Variants in TEX10 observed in about 807,000 individuals in gnomAD.
TEX10 encodes testis-expressed protein 10.
A neutral mutation model predicts 104.4 loss-of-function variants in TEX10; 24 were observed. The observed-to-expected ratio is 0.23, with a 90% CI of 0.17 to 0.32. TEX10 has a LOEUF of 0.32. Among genes scored for constraint, TEX10 ranks in the 10% least tolerant of loss-of-function variants. TEX10 has a pLI of 1.00. For missense variants in TEX10, 921 were observed against 1,083.9 expected, an observed-to-expected ratio of 0.85 and a Z score of 2.11; for synonymous variants, 396 against 393.4, an observed-to-expected ratio of 1.01 and a Z score of -0.08.
Position 100,330,135 on chromosome 9 carries a change from C to A in TEX10, c.1285G>T (p.Asp429Tyr). The change falls in exon 6 of 15, where the codon GAT (aspartate) becomes TAT (tyrosine). Residue 429 changes from aspartate to tyrosine, a missense_variant. Transcript: ENST00000374902. ...AGTGTTAAATTCAGTAAGAGATGATCTATGTTATTGGAGAGAACTGTGCAA... is the reference window on the plus strand; with the variant it reads ...AGTGTTAAATTCAGTAAGAGATGATATATGTTATTGGAGAGAACTGTGCAA... Reference protein sequence around the residue: ...KHCTVLSNNIDHLLLNLTLSD... With the variant: ...KHCTVLSNNIYHLLLNLTLSD... 1 of 1,613,570 alleles carries A rather than the reference C, an allele frequency of 6.2e-7. No homozygotes were observed. The highest frequency in any genetic ancestry group is 8.5e-7 in the Non-Finnish European group (1 of 1,179,774).
intron 11 of TEX10, 138 bp downstream of exon 11, chr9:100,320,127 C>T: frequency 1.3e-6 from 1 of 775,220 alleles, no homozygotes; most frequent in Non-Finnish European, 1.9e-6. Flanking sequence ...AAACGTACTT[C>T]TCCCATCCAA....
At chr9:100,330,887 G>T (rs1282620954) in intron 5 of TEX10, among the ~76,000 whole-genome samples, 3 of 151,280 alleles carry the variant, frequency 2.0e-5, no homozygotes, top group South Asian at 2.1e-4. Context: ...AGGATGAACT[G>T]GGAAGACTGC....
intron 1 of TEX10, among the ~76,000 whole-genome samples, chr9:100,351,026 C>T (rs547034485): frequency 5.1e-4 from 78 of 152,146 alleles, no homozygotes; most frequent in African/African-American, 1.8e-3. Flanking sequence ...ATGCTCAAAG[C>T]ATAAACATGT....
chr9:100,303,262 A>G (rs1834052667), intron 14 of TEX10, among the ~76,000 whole-genome samples: 1 of 152,168 alleles, frequency 6.6e-6, no homozygotes, highest in African/African-American at 2.4e-5. Context: ...TTGGATAGGT[A>G]AGAAAGAAAG....
chr9:100,315,856 A>G (rs917075233), intron 11 of TEX10, among the ~76,000 whole-genome samples: 2 of 152,206 alleles, frequency 1.3e-5, no homozygotes, highest in Non-Finnish European at 2.9e-5. Flanking sequence ...GACTTTAGAC[A>G]GTCTGATTAT....
chr9:100,331,728 C>T (rs1344957851), intron 5 of TEX10, among the ~76,000 whole-genome samples: 1 of 152,170 alleles, frequency 6.6e-6, no homozygotes, highest in Non-Finnish European at 1.5e-5. Context: ...TGGTTGCAAG[C>T]TTCTTTCAGA....
intron 9 of TEX10, among the ~76,000 whole-genome samples, chr9:100,322,439 G>A (rs978625494): frequency 6.6e-6 from 1 of 152,114 alleles, no homozygotes; most frequent in African/African-American, 2.4e-5. Flanking sequence ...AGGCTAGGAA[G>A]AAAACAGATG....
At chr9:100,339,607 A>T (rs1587738510) in intron 5 of TEX10, among the ~76,000 whole-genome samples, 1 of 152,046 alleles carries the variant, frequency 6.6e-6, no homozygotes, top group African/African-American at 2.4e-5. Context: ...CTTTGATAAA[A>T]GAGCCTTTGA....
chr9:100,340,457 T>C, intron 4 of TEX10, 88 bp from the exon 5 acceptor site: 1 of 737,090 alleles, frequency 1.4e-6, no homozygotes, highest in South Asian at 1.9e-5. Flanking sequence ...ACTTGTCAAA[T>C]AAATGTCCCA....
At chr9:100,341,944 G>A (rs1037300187) in intron 4 of TEX10, among the ~76,000 whole-genome samples, 4 of 152,128 alleles carry the variant, frequency 2.6e-5, no homozygotes, top group Non-Finnish European at 2.9e-5. Flanking sequence ...ACCCTCCAGT[G>A]GTCTTTTCGC....
At chr9:100,344,838 CTA>C (rs938444553) in intron 4 of TEX10, among the ~76,000 whole-genome samples, 4 of 152,124 alleles carry the variant, frequency 2.6e-5, no homozygotes, top group African/African-American at 9.7e-5. Context: ...AAGAGCGAAA[CTA>C]TGTCTCAAAA....
chr9:100,343,897 A>G (rs1835236326), intron 4 of TEX10, among the ~76,000 whole-genome samples: 1 of 152,174 alleles, frequency 6.6e-6, no homozygotes, highest in South Asian at 2.1e-4. Flanking sequence ...TGTAATCTCA[A>G]CACTTTGGGA....
intron 14 of TEX10, 38 bp downstream of exon 14, chr9:100,303,594 T>A: frequency 6.2e-7 from 1 of 1,607,328 alleles, no homozygotes. Context: ...TTCATTCTTA[T>A]GCTAATACTG....
At chr9:100,316,522 A>C (rs1017392015) in intron 11 of TEX10, among the ~76,000 whole-genome samples, 15 of 152,218 alleles carry the variant, frequency 9.9e-5, no homozygotes, top group Admixed American at 6.5e-5. Flanking sequence ...GGGACGTCCT[A>C]GCCAGAGCAA....
rs1268105698 is a variant in TEX10 at position 100,326,282 on chromosome 9, A to G, written c.1979+20T>C. 1 of 1,608,286 alleles carries G rather than the reference A, an allele frequency of 6.2e-7. No homozygotes were observed. The highest frequency in any genetic ancestry group is 1.1e-5 in the South Asian group (1 of 90,690). On this transcript the variant is annotated intron_variant, in intron 9 of 14. Transcript: ENST00000374902. Reference sequence around the variant, plus strand: ...GAAAAAGATTATACACTTAAAATACAGCTCACTTGAGCATGCTACCTCATG... The same window carrying G: ...GAAAAAGATTATACACTTAAAATACGGCTCACTTGAGCATGCTACCTCATG...
intron 9 of TEX10, among the ~76,000 whole-genome samples, chr9:100,323,807 A>G (rs1014159054): frequency 2.0e-5 from 3 of 152,254 alleles, no homozygotes; most frequent in South Asian, 4.1e-4. Flanking sequence ...TCACAGACCA[A>G]TTAGTGTGAC....
chr9:100,331,309 T>C (rs753940492), intron 5 of TEX10, among the ~76,000 whole-genome samples: 1 of 152,118 alleles, frequency 6.6e-6, no homozygotes, highest in Non-Finnish European at 1.5e-5. Flanking sequence ...TGCTGGCAAG[T>C]GCCTGTAGTC....
chr9:100,324,611 G>A (rs900630691), intron 9 of TEX10, among the ~76,000 whole-genome samples: 1 of 151,864 alleles, frequency 6.6e-6, no homozygotes, highest in Non-Finnish European at 1.5e-5. Context: ...GCCACTCATC[G>A]CCACAAAAAG....
At chr9:100,345,527 T>C (rs182101919) in intron 4 of TEX10, among the ~76,000 whole-genome samples, 67 of 152,362 alleles carry the variant, frequency 4.4e-4, no homozygotes, top group Admixed American at 1.1e-3. Context: ...TGTTACTGTA[T>C]TGATTTAGCA....
Sources: allele counts gnomAD v4.1 joint callset (sites outside exome capture counted in the v4.1 genomes callset), GRCh38; gene constraint gnomAD v4.1.1; transcripts MANE v1.5; gene names NCBI Gene and HGNC (gene_info 2026-07-23, HGNC 2026-07-21).